PDE4D: variants seen among roughly 807,000 people sequenced by gnomAD.
PDE4D encodes the protein 3',5'-cyclic-AMP phosphodiesterase 4D.
PDE4D carries 24 observed loss-of-function variants against 87.4 expected under a neutral mutation model. The observed-to-expected ratio is 0.27, with a 90% CI of 0.20 to 0.39. The LOEUF is 0.39. PDE4D is among the 10% of genes least tolerant of loss of function. The pLI, the probability that PDE4D is intolerant of heterozygous loss-of-function variation, is 1.00. For missense variants in PDE4D, 714 were observed against 1,041.0 expected, an observed-to-expected ratio of 0.69 and a Z score of 4.32; for synonymous variants, 384 against 383.2, an observed-to-expected ratio of 1.00 and a Z score of -0.02.
At chr5:59,774,560 G>GA (rs1554082078) in intron 1 of PDE4D, among the ~76,000 whole-genome samples, 11 of 152,010 alleles carry the variant, frequency 7.2e-5, no homozygotes, top group African/African-American at 2.7e-4. Flanking sequence ...GTTATATGGG[G>GA]TTTTTTTCCT....
chr5:59,565,706 G>C (rs1269303557), intron 1 of PDE4D, among the ~76,000 whole-genome samples: 1 of 152,210 alleles, frequency 6.6e-6, no homozygotes, highest in East Asian at 1.9e-4. Flanking sequence ...AAGCAACTGG[G>C]CAAGGAAGTC....
At chr5:60,211,463 G>C (rs1354266658) in intron 1 of PDE4D, among the ~76,000 whole-genome samples, 2 of 148,048 alleles carry the variant, frequency 1.4e-5, no homozygotes, top group African/African-American at 5.0e-5. Context: ...GGGGGGGTGG[G>C]GTAGGGAATA....
At chr5:59,615,913 C>G (rs558724838) in intron 1 of PDE4D, among the ~76,000 whole-genome samples, 3 of 151,880 alleles carry the variant, frequency 2.0e-5, no homozygotes, top group African/African-American at 7.3e-5. Context: ...CTCAAAATGG[C>G]CTTCTAGGAG....
At chr5:59,023,161 C>T (rs1430475049) in intron 6 of PDE4D, among the ~76,000 whole-genome samples, 1 of 146,746 alleles carries the variant, frequency 6.8e-6, no homozygotes, top group Non-Finnish European at 1.5e-5. Context: ...GGCAACAGTG[C>T]AAGACTCTAA....
chr5:60,063,091 GAAAGAAGAAAGAAAGAAAGAAAGAAAGA>G (rs1771615357), intron 2 of PDE4D, among the ~76,000 whole-genome samples: 5 of 99,474 alleles, frequency 5.0e-5, no homozygotes, highest in African/African-American at 1.5e-4. Context: ...AAGAAAGAAA[GAAAGAAGAAAGAAAGAAAGAAAGAAAGA>G]AAGAAAGAAA....
intron 3 of PDE4D, among the ~76,000 whole-genome samples, chr5:59,189,232 G>GTTTT (rs34203891): frequency 7.0e-5 from 7 of 99,924 alleles, no homozygotes; most frequent in Admixed American, 1.1e-4. Flanking sequence ...TTCCTACCCC[G>GTTTT]TTTTTTTTTT....
At chr5:58,980,930 G>GAATC (rs1744969548) in intron 11 of PDE4D, among the ~76,000 whole-genome samples, 1 of 152,136 alleles carries the variant, frequency 6.6e-6, no homozygotes, top group African/African-American at 2.4e-5. Flanking sequence ...AAAGGCCAGA[G>GAATC]AATCAACCAG....
chr5:60,282,601 A>G (rs1169774815), intron 1 of PDE4D, among the ~76,000 whole-genome samples: 1 of 152,186 alleles, frequency 6.6e-6, no homozygotes, highest in Non-Finnish European at 1.5e-5. Flanking sequence ...TCTTTCTTTT[A>G]TAAAGACACG....
rs60827770 is a variant in PDE4D at position 60,054,506 on chromosome 5, G to C, written c.43-65789C>G. ...TGAGAACACATGGACACAGGGAGGGGAACATCACACACCAGGGCCTGTCGG... is the reference window on the plus strand; with the variant it reads ...TGAGAACACATGGACACAGGGAGGGCAACATCACACACCAGGGCCTGTCGG... On this transcript the variant is annotated intron_variant, in intron 2 of 16. Transcript: ENST00000502484. Among the ~76,000 whole-genome samples, 681 of 152,116 alleles carry C rather than the reference G, an allele frequency of 4.5e-3. 7 individuals are homozygous for C. The highest frequency in any genetic ancestry group is 0.016 in the African/African-American group (658 of 41,514).
At chr5:60,049,498 T>TA (rs1402049687) in intron 2 of PDE4D, among the ~76,000 whole-genome samples, 1 of 152,246 alleles carries the variant, frequency 6.6e-6, no homozygotes, top group African/African-American at 2.4e-5. Flanking sequence ...TTTGTGGTTT[T>TA]ATCTACTATT....
chr5:59,206,223 T>C (rs989690345), intron 2 of PDE4D, among the ~76,000 whole-genome samples: 2 of 152,174 alleles, frequency 1.3e-5, no homozygotes, highest in African/African-American at 4.8e-5. Flanking sequence ...ATACCACAGA[T>C]TACCAGGAAT....
intron 2 of PDE4D, among the ~76,000 whole-genome samples, chr5:60,112,485 C>G (rs937040478): frequency 2.6e-5 from 4 of 152,022 alleles, no homozygotes; most frequent in African/African-American, 9.7e-5. Context: ...ATTTGGTCAC[C>G]TTGATTCCAT....
intron 1 of PDE4D, among the ~76,000 whole-genome samples, chr5:59,840,174 G>A (rs1036631698): frequency 8.6e-5 from 13 of 151,438 alleles, no homozygotes; most frequent in Non-Finnish European, 1.5e-4. Context: ...CCCCATTCAG[G>A]TCTTAGAGAA....
chr5:60,128,788 C>T (rs1378127891), intron 2 of PDE4D, among the ~76,000 whole-genome samples: 1 of 152,198 alleles, frequency 6.6e-6, no homozygotes, highest in African/African-American at 2.4e-5. Context: ...CACCTTTTAT[C>T]TCTCATTGAT....
At chr5:60,373,107 T>C (rs1286296745) in intron 1 of PDE4D, among the ~76,000 whole-genome samples, 1 of 152,248 alleles carries the variant, frequency 6.6e-6, no homozygotes, top group African/African-American at 2.4e-5. Context: ...TCCGGCTGAC[T>C]GCAATTCTAG....
At chr5:59,689,242 C>G (rs1471411827) in intron 1 of PDE4D, among the ~76,000 whole-genome samples, 5 of 152,130 alleles carry the variant, frequency 3.3e-5, no homozygotes, top group African/African-American at 1.2e-4. Context: ...TATCCTGATA[C>G]CAAAGCCTGG....
chr5:60,416,677 C>T (rs931794927), intron 1 of PDE4D, among the ~76,000 whole-genome samples: 19 of 152,166 alleles, frequency 1.2e-4, no homozygotes, highest in African/African-American at 3.9e-4. Flanking sequence ...CATGAGCGTC[C>T]GCGGCTTCAT....
At chr5:59,880,950 T>A (rs1195650083) in intron 1 of PDE4D, among the ~76,000 whole-genome samples, 1 of 152,194 alleles carries the variant, frequency 6.6e-6, no homozygotes, top group Non-Finnish European at 1.5e-5. Context: ...ACAGAAGTAA[T>A]GACTATCTAA....
chr5:60,066,211 T>G (rs1050067593), intron 2 of PDE4D, among the ~76,000 whole-genome samples: 5 of 152,166 alleles, frequency 3.3e-5, no homozygotes, highest in African/African-American at 4.8e-5. Flanking sequence ...TTTCATGTGT[T>G]TTTTGGCTGC....
Sources: allele counts gnomAD v4.1 joint callset (sites outside exome capture counted in the v4.1 genomes callset), GRCh38; gene constraint gnomAD v4.1.1; transcripts MANE v1.5; gene names NCBI Gene and HGNC (gene_info 2026-07-23, HGNC 2026-07-21).